DUT: variants seen among roughly 807,000 people sequenced by gnomAD.
DUT encodes deoxyuridine 5'-triphosphate nucleotidohydrolase, mitochondrial.
DUT carries 21 observed loss-of-function variants against 28.8 expected under a neutral mutation model. The observed-to-expected ratio is 0.73, with a 90% CI of 0.52 to 1.05. DUT has a LOEUF of 1.05. Among genes scored for constraint, DUT ranks in the 50% least tolerant of loss-of-function variants. The pLI is 0.00. For synonymous variants in DUT, 147 were observed against 143.7 expected (o/e 1.02, Z -0.17); for missense variants, 344 against 351.8 (o/e 0.98, Z 0.18).
rs1307843324 is a variant in DUT at position 48,341,989 on chromosome 15, A to C, written c.703-33A>C. ...AAAACTGAAAGAGGCTCTTAAAAAA[A>C]ACTGTGAAGCTTACTACCTTTCTAT... is the stretch of plus-strand genomic sequence containing the variant. On this transcript the variant is annotated intron_variant, in intron 6 of 6. Coordinates refer to ENST00000331200, the MANE Select transcript of DUT (RefSeq NM_001025248.2). 2.6e-6 allele frequency: 4 copies of C among 1,543,528 alleles called. No individual in the cohort carries two copies. The South Asian group carries it at 5.1e-5, about 20-fold the overall frequency.
At chr15:48,333,967 TCAATGA>T (rs1169895454) in intron 2 of DUT, among the ~76,000 whole-genome samples, 1 of 152,248 alleles carries the variant, frequency 6.6e-6, no homozygotes, top group Non-Finnish European at 1.5e-5. Flanking sequence ...AAAGGCTTAA[TCAATGA>T]TAGCTAGTAT....
At chr15:48,340,572 G>C (rs538089891) in intron 4 of DUT, among the ~76,000 whole-genome samples, 1 of 152,022 alleles carries the variant, frequency 6.6e-6, no homozygotes, top group African/African-American at 2.4e-5. Flanking sequence ...TAACTCTCTG[G>C]GCTATGTCAG....
intron 3 of DUT, 74 bp downstream of exon 3, chr15:48,334,582 G>A: frequency 2.7e-6 from 3 of 1,131,830 alleles, no homozygotes; most frequent in South Asian, 2.9e-5. Context: ...TTCATTTGGG[G>A]TAATAAGCAG....
rs1437059937 is a variant in DUT, at chr15:48,342,023, C to A, written c.704C>A (p.Ala235Asp). ...GCTTACTACCTTTCTATCTTTCAGG[C>A]CTTGGATGACACCGAAAGGGGTTCA... ...IFYPEIEEVQ[A>D]LDDTERGSGG... Residue 235 changes from alanine (A) to aspartate (D), a missense_variant and splice_region_variant, in exon 7 of 7, where the codon GCC becomes GAC. Coordinates refer to ENST00000331200, the MANE Select transcript of DUT (RefSeq NM_001025248.2). 1 of 1,574,762 alleles carries A rather than the reference C, an allele frequency of 6.4e-7. No homozygotes were observed. The highest frequency in any genetic ancestry group is 8.6e-7 in the Non-Finnish European group (1 of 1,165,876).
chr15:48,339,531 C>T (rs1201088942), intron 4 of DUT, among the ~76,000 whole-genome samples: 1 of 152,070 alleles, frequency 6.6e-6, no homozygotes, highest in African/African-American at 2.4e-5. Context: ...TAAATTGTCC[C>T]TGCAGTCAAA....
At chr15:48,335,252 G>C (rs1020500427) in intron 3 of DUT, among the ~76,000 whole-genome samples, 1 of 152,050 alleles carries the variant, frequency 6.6e-6, no homozygotes, top group Non-Finnish European at 1.5e-5. Flanking sequence ...TATTGACAAA[G>C]TGCCTGATTT....
chr15:48,333,356 T>C (rs2042440492), intron 2 of DUT, among the ~76,000 whole-genome samples: 1 of 152,026 alleles, frequency 6.6e-6, no homozygotes, highest in African/African-American at 2.4e-5. Flanking sequence ...AAAAGTAGAG[T>C]GATATAGTTT....
At chr15:48,331,860 G>C in intron 1 of DUT, 65 bp downstream of exon 1, 1 of 1,105,524 alleles carries the variant, frequency 9.0e-7, no homozygotes, top group Non-Finnish European at 1.2e-6. Context: ...AGGCTGTGGG[G>C]GAAGTAGGGT....
Position 48,331,704 on chromosome 15 carries a change from G to T in DUT, c.189G>T (p.Leu63=), listed in dbSNP as rs1436754153. The change falls in exon 1 of 7, where the codon CTG becomes CTT. Residue 63 remains leucine, a synonymous_variant. Coordinates refer to ENST00000331200, the MANE Select transcript of DUT (RefSeq NM_001025248.2). ...GGCCGCTGTCCAGCGCTGGCCGCCT[G>T]AGCCAAGGCTGCCGCGGAGCCAGTA... ...IPRPLSSAGR[L]SQGCRGASTV... The T allele has an allele frequency of 6.6e-7, 1 of 1,513,662 alleles. No individual in the cohort carries two copies. Among genetic ancestry groups the T allele is most frequent in the Non-Finnish European group, 8.8e-7 (1 of 1,132,388 alleles). 93.8% of individuals were successfully genotyped at this position (1,513,662 alleles called of 1,614,324 possible).
intron 4 of DUT, among the ~76,000 whole-genome samples, chr15:48,336,295 CTAAT>C (rs918422585): frequency 8.6e-5 from 13 of 151,718 alleles, no homozygotes; most frequent in Middle Eastern, 3.4e-3. Flanking sequence ...TAATGATTAC[CTAAT>C]TAATAATGAC....
chr15:48,342,310 A>G lies in DUT; in HGVS notation c.*232A>G. Reference sequence around the variant, plus strand: ...CAAAAAGAAACTTTGTTTTTCCGCAATTGAAGGTTGTATGTAAATCTGCTT... The same window carrying G: ...CAAAAAGAAACTTTGTTTTTCCGCAGTTGAAGGTTGTATGTAAATCTGCTT... On this transcript the variant is annotated 3_prime_UTR_variant, in exon 7 of 7. Coordinates refer to ENST00000331200, the MANE Select transcript of DUT (RefSeq NM_001025248.2). 7.0e-6 allele frequency: 2 copies of G among 285,016 alleles called. No individual in the cohort carries two copies. Among genetic ancestry groups the G allele is most frequent in the Non-Finnish European group, 6.4e-6 (1 of 156,648 alleles). The allele number at this position is 285,016 out of a possible 1,614,324, so 17.7% of individuals were successfully genotyped here. A position where few individuals can be genotyped will look rare whatever the true frequency, so the allele number is the denominator to read the frequency against.
chr15:48,332,673 G>A, intron 2 of DUT: 1 of 652,136 alleles, frequency 1.5e-6, no homozygotes. Context: ...AGAAGATAGA[G>A]AGGAAGGCCC....
Position 48,332,335 on chromosome 15 carries a change from T to A in DUT, c.348T>A (p.Phe116Leu), listed in dbSNP as rs1158203143. 6.2e-7 allele frequency: 1 copy of A among 1,607,520 alleles called. No individual in the cohort carries two copies. The highest frequency in any genetic ancestry group is 8.5e-7 in the Non-Finnish European group (1 of 1,177,856). The change falls in exon 2 of 7, where the codon TTT (phenylalanine) becomes TTA (leucine). Residue 116 changes from phenylalanine to leucine, a missense_variant. By Grantham distance (22) the Phe-to-Leu change is conservative. Transcript: ENST00000331200. ...AGGTGGGCGGCATGCAGCTCCGCTT[T>A]GCCCGGCTCTCCGAGCACGCCACGG... ...PAEVGGMQLR[F>L]ARLSEHATAP...
chr15:48,340,559 G>A (rs1281016149), intron 4 of DUT, among the ~76,000 whole-genome samples: 2 of 152,166 alleles, frequency 1.3e-5, no homozygotes, highest in Non-Finnish European at 2.9e-5. Context: ...AGTCTGGTAA[G>A]TATAACTCTC....
chr15:48,334,627 C>T (rs986627648), intron 3 of DUT, 119 bp downstream of exon 3: 2 of 635,686 alleles, frequency 3.1e-6, no homozygotes, highest in Non-Finnish European at 2.7e-6. Context: ...AAAAGAAGCA[C>T]CATTTGTGAT....
In DUT at chr15:48,341,557, T is replaced by G; in HGVS notation, c.674T>G (p.Ile225Ser). Residue 225 changes from isoleucine (I) to serine (S), a missense_variant, in exon 6 of 7, where the codon ATT (isoleucine) becomes AGT (serine). Transcript: ENST00000331200. ...ATTGCACAGCTCATTTGCGAACGGA[T>G]TTTTTATCCAGAAATAGAAGAAGTT... ...DRIAQLICER[I>S]FYPEIEEVQA... 1 of 1,612,840 alleles carries G rather than the reference T, an allele frequency of 6.2e-7. No individual in the cohort carries two copies. The highest frequency in any genetic ancestry group is 8.5e-7 in the Non-Finnish European group (1 of 1,179,284).
In DUT at chr15:48,342,107, GTCATACCTTTTTCTT is replaced by G; in HGVS notation, c.*30_*44del. 7.0e-7 allele frequency: 1 copy of G among 1,420,646 alleles called. No homozygotes were observed. The allele number at this position is 1,420,646 out of a possible 1,614,324, so 88.0% of individuals were successfully genotyped here. A position where few individuals can be genotyped will look rare whatever the true frequency, so the allele number is the denominator to read the frequency against. ...TTATGCCAAGAACAGAAAACAAGAAGTCATACCTTTTTCTTAAAAAAAAAAAAAAAGTTTTTGCTT... is the reference window on the plus strand; with the variant it reads ...TTATGCCAAGAACAGAAAACAAGAAGAAAAAAAAAAAAAAAGTTTTTGCTT... On this transcript the variant is annotated 3_prime_UTR_variant, in exon 7 of 7. Coordinates refer to ENST00000331200, the MANE Select transcript of DUT (RefSeq NM_001025248.2).
At chr15:48,337,907 A>G (rs2042491792) in intron 4 of DUT, among the ~76,000 whole-genome samples, 1 of 152,200 alleles carries the variant, frequency 6.6e-6, no homozygotes, top group African/African-American at 2.4e-5. Flanking sequence ...CAGAATTCAC[A>G]TCTGGTAGGT....
At position 48,341,597 on chromosome 15, in the gene DUT, A is replaced by C. The variant is rs1384226891; in HGVS notation, c.702+12A>C. ...TAGAAGAAGTTCAAGTAAGTATTAC[A>C]AAGGAAGATACAGAATAAGTAATAT... On this transcript the variant is annotated intron_variant, in intron 6 of 6. Transcript: ENST00000331200. The C allele has an allele frequency of 6.3e-7, 1 of 1,594,806 alleles. No individual in the cohort carries two copies. The highest frequency in any genetic ancestry group is 1.3e-5 in the African/African-American group (1 of 74,528).
Sources: gnomAD v4.1 joint callset for allele counts (sites outside exome capture counted in the v4.1 genomes callset) on GRCh38, gnomAD v4.1.1 for gene constraint, MANE v1.5 for transcripts, NCBI Gene and HGNC (gene_info 2026-07-23, HGNC 2026-07-21) for gene names.